Variants in PKHD1 observed in about 807,000 individuals in gnomAD.
The protein encoded by PKHD1 is PKHD1 ciliary IPT domain containing fibrocystin/polyductin, also known as fibrocystin.
PKHD1 carries 291 observed loss-of-function variants against 412.0 expected under a neutral mutation model. That is an observed-to-expected ratio of 0.71 (90% confidence interval 0.64 to 0.78). The LOEUF is 0.78. Among genes scored for constraint, PKHD1 ranks in the 30% least tolerant of loss-of-function variants. The pLI is 0.00. For synonymous variants in PKHD1, 1,777 were observed against 1,821.5 expected (o/e 0.98, Z 0.62); for missense variants, 4,825 against 4,950.7 (o/e 0.97, Z 0.76).
chr6:51,713,671 T>G (rs2150775481), intron 60 of PKHD1, among the ~76,000 whole-genome samples: 1 of 152,336 alleles, frequency 6.6e-6, no homozygotes, highest in South Asian at 2.1e-4. Flanking sequence ...ACACTCAAGA[T>G]ATGCAGCTGC....
intron 22 of PKHD1, 88 bp downstream of exon 22, chr6:52,050,069 C>T: frequency 7.8e-7 from 1 of 1,285,234 alleles, no homozygotes; most frequent in African/African-American, 1.4e-5. Context: ...AGACAGGTAG[C>T]TTTTCCTGAA....
chr6:52,032,981 G>A, intron 29 of PKHD1, 49 bp downstream of exon 29: 1 of 1,535,108 alleles, frequency 6.5e-7, no homozygotes, highest in African/African-American at 1.4e-5. Flanking sequence ...CCTTTTTATA[G>A]GACCAATGCT....
chr6:51,745,392 C>A (rs1422028027), intron 59 of PKHD1, among the ~76,000 whole-genome samples: 1 of 152,142 alleles, frequency 6.6e-6, no homozygotes, highest in Non-Finnish European at 1.5e-5. Flanking sequence ...TACTCTCTTG[C>A]CCTTCCATTT....
chr6:51,746,774 C>A lies in PKHD1; in HGVS notation c.9945G>T (p.Arg3315Ser). ...IMHPITAERT[R>S]MLKIKDKNKF... ...TGTTTTTATCTTTTATCTTTAGCAT[C>A]CTGGTCCTCTCTGCTGTTATTGGGT... Residue 3315 changes from arginine to serine, a missense_variant, in exon 59 of 67, where the codon AGG becomes AGT. By Grantham distance (110) the Arg-to-Ser change is moderately radical. Coordinates refer to ENST00000371117, the MANE Select transcript of PKHD1 (RefSeq NM_138694.4). 1 of 1,611,608 alleles carries A rather than the reference C, an allele frequency of 6.2e-7. No individual in the cohort carries two copies. Among genetic ancestry groups the A allele is most frequent in the South Asian group, 1.1e-5 (1 of 91,012 alleles).
intron 43 of PKHD1, among the ~76,000 whole-genome samples, chr6:51,896,701 C>A (rs1221496509): frequency 6.6e-6 from 1 of 150,522 alleles, no homozygotes; most frequent in East Asian, 2.0e-4. Flanking sequence ...AGGCTTCAGA[C>A]GATCAAATTA....
intron 26 of PKHD1, 86 bp downstream of exon 26, chr6:52,043,539 C>G: frequency 3.3e-6 from 3 of 905,262 alleles, no homozygotes; most frequent in Non-Finnish European, 5.5e-6. Flanking sequence ...ATCTTCTACC[C>G]ACCCATCACC....
chr6:51,710,722 T>C (rs1005487810), intron 60 of PKHD1, among the ~76,000 whole-genome samples: 1 of 152,220 alleles, frequency 6.6e-6, no homozygotes, highest in African/African-American at 2.4e-5. Flanking sequence ...TTATTGAATA[T>C]ATGCAACATA....
intron 52 of PKHD1, among the ~76,000 whole-genome samples, chr6:51,816,062 T>C (rs1300639525): frequency 6.6e-6 from 1 of 152,196 alleles, no homozygotes; most frequent in Non-Finnish European, 1.5e-5. Flanking sequence ...ATTCCTTTTC[T>C]GGAAGGGTAA....
chr6:51,962,624 C>T (rs1173448014), intron 35 of PKHD1, among the ~76,000 whole-genome samples: 2 of 152,004 alleles, frequency 1.3e-5, no homozygotes, highest in Non-Finnish European at 2.9e-5. Flanking sequence ...AATGATGTGT[C>T]AAAGTTCATA....
rs572565501 is a variant in PKHD1 at position 51,781,463 on chromosome 6, A to G, written c.8441-5542T>C. On this transcript the variant is annotated intron_variant, in intron 53 of 66. Transcript: ENST00000371117. ...TTCAATTAATGGAATATTAAAATAA[A>G]CATGAAAATATGTTATTCATTCACT... is the stretch of plus-strand genomic sequence containing the variant. Among the ~76,000 whole-genome samples, 5 of 152,300 alleles carry G rather than the reference A, an allele frequency of 3.3e-5. No homozygotes were observed. The East Asian group carries it at 9.6e-4, about 29-fold the overall frequency.
At chr6:51,918,569 C>T (rs191948479) in intron 37 of PKHD1, among the ~76,000 whole-genome samples, 58 of 152,214 alleles carry the variant, frequency 3.8e-4, no homozygotes, top group African/African-American at 1.2e-3. Flanking sequence ...ATAGATGTGC[C>T]GCATTTTCTT....
intron 40 of PKHD1, among the ~76,000 whole-genome samples, chr6:51,907,658 T>C (rs1463267863): frequency 6.6e-6 from 1 of 152,102 alleles, no homozygotes; most frequent in African/African-American, 2.4e-5. Flanking sequence ...TTAAATTAAA[T>C]TTTTTAAAAA....
intron 60 of PKHD1, among the ~76,000 whole-genome samples, chr6:51,710,159 AAGATGGCACC>A (rs1780492867): frequency 6.6e-6 from 1 of 152,160 alleles, no homozygotes; most frequent in Non-Finnish European, 1.5e-5. Context: ...CCCGTGAGCC[AAGATGGCACC>A]ACTGCACTCC....
intron 5 of PKHD1, among the ~76,000 whole-genome samples, chr6:52,077,470 C>T (rs375257577): frequency 6.6e-6 from 1 of 152,156 alleles, no homozygotes; most frequent in African/African-American, 2.4e-5. Flanking sequence ...TACAGTGCTT[C>T]CCATTTGCAA....
At position 52,022,782 on chromosome 6, in the gene PKHD1, G is replaced by A. The variant is rs1408345778; in HGVS notation, c.5380+19C>T. On this transcript the variant is annotated intron_variant, in intron 33 of 66. Coordinates refer to ENST00000371117, the MANE Select transcript of PKHD1 (RefSeq NM_138694.4). ...CATATATATGCTTTAAAATATATGT[G>A]TGTGGCATCTTTACTCACCATCCAG... 6.2e-7 allele frequency: 1 copy of A among 1,611,682 alleles called. No individual in the cohort carries two copies. The highest frequency in any genetic ancestry group is 1.7e-5 in the Admixed American group (1 of 59,972).
At chr6:51,789,345 C>T (rs1381649781) in intron 53 of PKHD1, among the ~76,000 whole-genome samples, 1 of 152,032 alleles carries the variant, frequency 6.6e-6, no homozygotes, top group African/African-American at 2.4e-5. Context: ...GAGTGAGTTA[C>T]AAGGACAAAA....
chr6:51,919,530 T>A (rs2145325), intron 37 of PKHD1, among the ~76,000 whole-genome samples: 56,697 of 151,974 alleles, frequency 0.37, 11,445 homozygotes, highest in East Asian at 0.75. Context: ...TGGTTACTGT[T>A]GCCTTGTAAT....
chr6:51,937,445 C>T lies in PKHD1; in HGVS notation c.5909-3123G>A, dbSNP rs140068610. 3.9e-5 allele frequency among the ~76,000 whole-genome samples: 6 copies of T among 152,288 alleles called. No homozygotes were observed. In the East Asian group the frequency reaches 1.2e-3, roughly 29 times the overall value. On this transcript the variant is annotated intron_variant, in intron 36 of 66. Transcript: ENST00000371117. ...TTCAAGTATTTTACAGAGTTTGACT[C>T]TTTTCATTTAATTGTTTACCTCCGT...
chr6:51,698,349 A>G (rs1188600400), intron 60 of PKHD1, among the ~76,000 whole-genome samples: 1 of 152,242 alleles, frequency 6.6e-6, no homozygotes, highest in Non-Finnish European at 1.5e-5. Context: ...AAAATGGTAA[A>G]AACAAAATTA....
Sources: allele counts gnomAD v4.1 joint callset (sites outside exome capture counted in the v4.1 genomes callset), GRCh38; gene constraint gnomAD v4.1.1; transcripts MANE v1.5; gene names NCBI Gene and HGNC (gene_info 2026-07-23, HGNC 2026-07-21).